RAMP1: variants seen among roughly 807,000 people sequenced by gnomAD.
RAMP1 encodes receptor activity-modifying protein 1.
Under a neutral mutation model 8.2 loss-of-function variants are expected in RAMP1, and 7 were observed. The observed-to-expected ratio is 0.85, with a 90% CI of 0.49 to 1.60. The LOEUF (loss-of-function observed/expected upper bound fraction) is 1.60. Among genes scored for constraint, RAMP1 ranks in the 40% most tolerant of loss-of-function variants. The pLI is 0.00. For missense variants in RAMP1, 192 were observed against 202.4 expected (o/e 0.95, Z 0.31); for synonymous variants, 92 against 84.7 (o/e 1.09, Z -0.47).
At chr2:237,901,110 G>A (rs1672272620) in intron 2 of RAMP1, among the ~76,000 whole-genome samples, 1 of 152,250 alleles carries the variant, frequency 6.6e-6, no homozygotes, top group Non-Finnish European at 1.5e-5. Context: ...ATCCCCATCA[G>A]CCCCACTGAT....
chr2:237,877,110 T>G lies in RAMP1; in HGVS notation c.53-114T>G. On this transcript the variant is annotated intron_variant, in intron 1 of 2. Transcript: ENST00000254661. The surrounding 1 kb of genome is among the most constrained non-coding windows in gnomAD (Gnocchi z 4.4). Reference sequence around the variant, plus strand: ...AGCCACAGTCGCCCTCTCCAGGGGTTGCTTAGAGGCCCCGTTCTCGTGGAG... The same window carrying G: ...AGCCACAGTCGCCCTCTCCAGGGGTGGCTTAGAGGCCCCGTTCTCGTGGAG... 7.4e-7 allele frequency: 1 copy of G among 1,359,018 alleles called. No homozygotes were observed. Among genetic ancestry groups the G allele is most frequent in the Admixed American group, 1.7e-5 (1 of 57,612 alleles). The allele number at this position is 1,359,018 out of a possible 1,614,324, so 84.2% of individuals were successfully genotyped here. A position where few individuals can be genotyped will look rare whatever the true frequency, so the allele number is the denominator to read the frequency against.
chr2:237,860,779 C>T (rs1240499151), intron 1 of RAMP1, among the ~76,000 whole-genome samples: 3 of 152,150 alleles, frequency 2.0e-5, no homozygotes, highest in Non-Finnish European at 2.9e-5. Context: ...GGACCACCGG[C>T]GCTGTTGTAG....
chr2:237,900,495 A>G (rs2062586633), intron 2 of RAMP1, among the ~76,000 whole-genome samples: 1 of 152,176 alleles, frequency 6.6e-6, no homozygotes, highest in African/African-American at 2.4e-5. Context: ...TGGACAAATT[A>G]TGTGCCATTT....
At position 237,871,969 on chromosome 2, in the gene RAMP1, T is replaced by C. The variant is rs1486011684; in HGVS notation, c.53-5255T>C. 2.6e-5 allele frequency among the ~76,000 whole-genome samples: 4 copies of C among 152,216 alleles called. 1 individual carries two copies. The East Asian group carries it at 7.7e-4, about 29-fold the overall frequency. Reference sequence around the variant, plus strand: ...GTAAAATGGGTGAATTTGTGGTATATAAATTATACTTCAATAAAGGCGTGT... The same window carrying C: ...GTAAAATGGGTGAATTTGTGGTATACAAATTATACTTCAATAAAGGCGTGT... On this transcript the variant is annotated intron_variant, in intron 1 of 2. Transcript: ENST00000254661.
chr2:237,903,918 T>C (rs527652238), intron 2 of RAMP1, among the ~76,000 whole-genome samples: 151 of 152,278 alleles, frequency 9.9e-4, no homozygotes, highest in African/African-American at 3.1e-3. Flanking sequence ...TTGTATTTTT[T>C]TGTAGAGACA....
chr2:237,904,715 A>G (rs1040359579), intron 2 of RAMP1, among the ~76,000 whole-genome samples: 7 of 152,244 alleles, frequency 4.6e-5, no homozygotes, highest in Admixed American at 1.3e-4. Context: ...GCTTAAGTAT[A>G]AACTCAAAAA....
At chr2:237,883,847 A>C (rs1269484659) in intron 2 of RAMP1, among the ~76,000 whole-genome samples, 1 of 150,346 alleles carries the variant, frequency 6.7e-6, no homozygotes, top group Non-Finnish European at 1.5e-5. Context: ...AAAAGAAAAA[A>C]AAAAAAGAGG....
chr2:237,878,755 A>C lies in RAMP1; in HGVS notation c.191+1393A>C, dbSNP rs1248132120. Among the ~76,000 whole-genome samples, 1 of 152,236 alleles carries C rather than the reference A, an allele frequency of 6.6e-6. No individual in the cohort carries two copies. The highest frequency in any genetic ancestry group is 2.4e-5 in the African/African-American group (1 of 41,460). On this transcript the variant is annotated intron_variant, in intron 2 of 2. Coordinates refer to ENST00000254661, the MANE Select transcript of RAMP1 (RefSeq NM_005855.4). This position sits in a 1 kb window ranked among gnomAD's most constrained non-coding sequence, Gnocchi z 5.7. ...AGGCGACTCTGTACCTTGGGAGCCCAAACTTTTTAAAAAGTAGGAAAGCAT... is the reference window on the plus strand; with the variant it reads ...AGGCGACTCTGTACCTTGGGAGCCCCAACTTTTTAAAAAGTAGGAAAGCAT...
rs137875206 is a variant in RAMP1, at chr2:237,911,703, A to G, written c.367A>G (p.Ile123Val). ...DPPGSILYPF[I>V]VVPITVTLLV... ...GCCCGGCAGCATCCTCTACCCCTTC[A>G]TCGTGGTCCCCATCACGGTGACCCT... The change falls in exon 3 of 3, where the codon ATC becomes GTC. Residue 123 changes from isoleucine to valine, a missense_variant. Physicochemically the swap from Ile to Val is conservative, Grantham distance 29. Transcript: ENST00000254661. 54 of 1,613,744 alleles carry G rather than the reference A, an allele frequency of 3.3e-5. No homozygotes were observed. Among genetic ancestry groups the G allele is most frequent in the Non-Finnish European group, 4.3e-5 (51 of 1,179,922 alleles).
In RAMP1 at chr2:237,911,707, T is replaced by TG; in HGVS notation, c.373dup (p.Val125GlyfsTer21). On this transcript the variant is annotated frameshift_variant, in exon 3 of 3. Transcript: ENST00000254661. LOFTEE classifies it high-confidence loss of function. Reference sequence around the variant, plus strand: ...GGCAGCATCCTCTACCCCTTCATCGTGGTCCCCATCACGGTGACCCTGCTG... The same window carrying TG: ...GGCAGCATCCTCTACCCCTTCATCGTGGGTCCCCATCACGGTGACCCTGCTG... 1 of 1,613,900 alleles carries TG rather than the reference T, an allele frequency of 6.2e-7. No homozygotes were observed. The highest frequency in any genetic ancestry group is 8.5e-7 in the Non-Finnish European group (1 of 1,179,936).
At chr2:237,868,565 C>T (rs1204959361) in intron 1 of RAMP1, among the ~76,000 whole-genome samples, 2 of 142,946 alleles carry the variant, frequency 1.4e-5, no homozygotes, top group Non-Finnish European at 3.0e-5. Flanking sequence ...CCCACTGATT[C>T]CCTCCCCCCA....
intron 2 of RAMP1, among the ~76,000 whole-genome samples, chr2:237,892,775 C>T (rs1298750336): frequency 1.3e-5 from 2 of 150,116 alleles, no homozygotes; most frequent in African/African-American, 4.9e-5. Context: ...TCCTTCTCTC[C>T]CTCCCCCACT....
intron 2 of RAMP1, among the ~76,000 whole-genome samples, chr2:237,901,009 G>A (rs533288952): frequency 5.4e-4 from 83 of 152,370 alleles, no homozygotes; most frequent in African/African-American, 1.9e-3. Context: ...AGCCTTGGGA[G>A]GTGTGTTTAA....
At chr2:237,907,807 T>C (rs890134184) in intron 2 of RAMP1, among the ~76,000 whole-genome samples, 4 of 152,196 alleles carry the variant, frequency 2.6e-5, no homozygotes, top group Non-Finnish European at 5.9e-5. Flanking sequence ...CTCCATTCAT[T>C]GTTTTGCCTC....
Position 237,877,919 on chromosome 2 carries a change from G to T in RAMP1, c.191+557G>T. 2 of 981,390 alleles carry T rather than the reference G, an allele frequency of 2.0e-6. No homozygotes were observed. The allele number at this position is 981,390 out of a possible 1,614,324, so 60.8% of individuals were successfully genotyped here. A position where few individuals can be genotyped will look rare whatever the true frequency, so the allele number is the denominator to read the frequency against. ...CAAGGGCCCTTCTTCCCGCTTGAGGGGCTCCCTCATTGCCTCCCTCAGCCT... is the reference window on the plus strand; with the variant it reads ...CAAGGGCCCTTCTTCCCGCTTGAGGTGCTCCCTCATTGCCTCCCTCAGCCT... On this transcript the variant is annotated intron_variant, in intron 2 of 2. Coordinates refer to ENST00000254661, the MANE Select transcript of RAMP1 (RefSeq NM_005855.4). The surrounding 1 kb of genome is among the most constrained non-coding windows in gnomAD (Gnocchi z 4.4).
At chr2:237,906,396 C>T (rs1236867213) in intron 2 of RAMP1, among the ~76,000 whole-genome samples, 4 of 152,102 alleles carry the variant, frequency 2.6e-5, no homozygotes, top group East Asian at 3.9e-4. Flanking sequence ...AGTGACCGTA[C>T]GATAGGGGCG....
intron 2 of RAMP1, among the ~76,000 whole-genome samples, chr2:237,894,341 C>G (rs1220834240): frequency 2.0e-5 from 3 of 152,222 alleles, no homozygotes; most frequent in African/African-American, 7.2e-5. Context: ...TTTCCTTTAT[C>G]CCCAAGCCTA....
chr2:237,896,896 G>A (rs1482392684), intron 2 of RAMP1, among the ~76,000 whole-genome samples: 2 of 152,184 alleles, frequency 1.3e-5, no homozygotes, highest in Admixed American at 1.3e-4. Context: ...CGATCCTCCT[G>A]TTTTGGCCTC....
chr2:237,873,939 TAGGGCGGGAAAGAAAGGGCAGCACTGGTC>T (rs2062272421), intron 1 of RAMP1, among the ~76,000 whole-genome samples: 1 of 152,168 alleles, frequency 6.6e-6, no homozygotes, highest in African/African-American at 2.4e-5. Flanking sequence ...TGGGCTCCCA[TAGGGCGGGAAAGAAAGGGCAGCACTGGTC>T]AGGGAGGGCT....
Sources: gnomAD v4.1 joint callset for allele counts (sites outside exome capture counted in the v4.1 genomes callset) on GRCh38, gnomAD v4.1.1 for gene constraint, Gnocchi (gnomAD v3.1) non-coding constraint, MANE v1.5 for transcripts, NCBI Gene and HGNC (gene_info 2026-07-23, HGNC 2026-07-21) for gene names.